RBMS3: variants seen among roughly 807,000 people sequenced by gnomAD.
The protein encoded by RBMS3 is RNA-binding motif, single-stranded-interacting protein 3.
Under a neutral mutation model 66.8 loss-of-function variants are expected in RBMS3, and 27 were observed. The observed-to-expected ratio is 0.40, with a 90% CI of 0.30 to 0.56. The LOEUF is 0.56. Among genes scored for constraint, RBMS3 ranks in the 20% least tolerant of loss-of-function variants. The probability of loss-of-function intolerance (pLI) is 0.40; values close to 1 mark genes in which losing one functional copy is unlikely to be tolerated. For synonymous variants in RBMS3, 188 were observed against 183.0 expected, an observed-to-expected ratio of 1.03 and a Z score of -0.22; for missense variants, 513 against 549.5, an observed-to-expected ratio of 0.93 and a Z score of 0.66.
chr3:29,855,961 A>T (rs1216259218), intron 6 of RBMS3, among the ~76,000 whole-genome samples: 3 of 150,692 alleles, frequency 2.0e-5, no homozygotes, highest in Non-Finnish European at 4.4e-5. Flanking sequence ...TTAAATTGTT[A>T]AAAAAAGGCA....
chr3:30,000,908 G>A (rs1699575739), intron 14 of RBMS3, among the ~76,000 whole-genome samples: 1 of 151,818 alleles, frequency 6.6e-6, no homozygotes, highest in Non-Finnish European at 1.5e-5. Flanking sequence ...ACTAAGGAAG[G>A]GATAATATTA....
rs1243638674 is a variant in RBMS3, at chr3:30,004,802, C to A, written c.*940C>A. 6.6e-6 allele frequency: 1 copy of A among 151,584 alleles called. No homozygotes were observed. The highest frequency in any genetic ancestry group is 1.5e-5 in the Non-Finnish European group (1 of 67,684). 9.4% of individuals were successfully genotyped at this position (151,584 alleles called of 1,614,324 possible). On this transcript the variant is annotated 3_prime_UTR_variant, in exon 15 of 15. Transcript: ENST00000383767. ...GTGATCGCTAGCAAAAGCATTAGTGCTTTTTATCTGCAGTCTTTTTTATGA... is the reference window on the plus strand; with the variant it reads ...GTGATCGCTAGCAAAAGCATTAGTGATTTTTATCTGCAGTCTTTTTTATGA...
At chr3:29,517,800 C>G (rs1364234911) in intron 3 of RBMS3, among the ~76,000 whole-genome samples, 1 of 152,054 alleles carries the variant, frequency 6.6e-6, no homozygotes, top group African/African-American at 2.4e-5. Context: ...CAAGGCAGAT[C>G]AAAAACCTAT....
intron 3 of RBMS3, among the ~76,000 whole-genome samples, chr3:29,546,318 G>A (rs1294247582): frequency 8.5e-5 from 13 of 152,066 alleles, no homozygotes; most frequent in Admixed American, 5.2e-4. Flanking sequence ...TTGCAAAAAC[G>A]TACACAGCTA....
At chr3:29,533,342 T>C (rs1211888359) in intron 3 of RBMS3, among the ~76,000 whole-genome samples, 1 of 151,732 alleles carries the variant, frequency 6.6e-6, no homozygotes, top group Non-Finnish European at 1.5e-5. Flanking sequence ...ATTAGTGAAG[T>C]GTAGTGGCAT....
At chr3:29,555,099 G>A (rs2046307925) in intron 3 of RBMS3, among the ~76,000 whole-genome samples, 1 of 151,910 alleles carries the variant, frequency 6.6e-6, no homozygotes, top group Non-Finnish European at 1.5e-5. Context: ...TTAGACCTTG[G>A]GGCTGTTAAG....
chr3:29,596,778 A>G (rs2047959461), intron 4 of RBMS3, among the ~76,000 whole-genome samples: 1 of 152,228 alleles, frequency 6.6e-6, no homozygotes, highest in Admixed American at 6.6e-5. Context: ...TGCAGAATCT[A>G]TTAGAGTCCC....
intron 1 of RBMS3, among the ~76,000 whole-genome samples, chr3:29,405,630 A>C (rs759019527): frequency 2.0e-5 from 3 of 152,128 alleles, no homozygotes; most frequent in Non-Finnish European, 4.4e-5. Flanking sequence ...ACACACACAC[A>C]CTTACGAACT....
At chr3:29,752,765 TACAATC>T (rs958433069) in intron 5 of RBMS3, among the ~76,000 whole-genome samples, 1 of 152,166 alleles carries the variant, frequency 6.6e-6, no homozygotes, top group African/African-American at 2.4e-5. Context: ...ATCCTAAATT[TACAATC>T]ACAAAAACAT....
chr3:29,923,517 T>G (rs2149661675), intron 10 of RBMS3, among the ~76,000 whole-genome samples: 1 of 152,314 alleles, frequency 6.6e-6, no homozygotes, highest in East Asian at 1.9e-4. Context: ...GTTAAAAATC[T>G]CTGACAGTTG....
rs368706978 is a variant in RBMS3 at position 29,703,704 on chromosome 3, A to C, written c.400-36016A>C. 1.2e-4 allele frequency among the ~76,000 whole-genome samples: 19 copies of C among 152,320 alleles called. No homozygotes were observed. In the East Asian group the frequency reaches 1.9e-3, roughly 16 times the overall value. On this transcript the variant is annotated intron_variant, in intron 4 of 14. Coordinates refer to ENST00000383767, the MANE Select transcript of RBMS3 (RefSeq NM_001003793.3). The stretch of plus-strand genomic sequence containing the variant: ...AATGGATTTAGAAGATTTAGAGCCA[A>C]AATTGATGATTCCCATTCTTATTGT...
At chr3:29,694,288 A>G (rs1467247726) in intron 4 of RBMS3, among the ~76,000 whole-genome samples, 4 of 152,180 alleles carry the variant, frequency 2.6e-5, no homozygotes, top group Non-Finnish European at 5.9e-5. Flanking sequence ...GTCTGGAACT[A>G]TATTTCTCTT....
intron 14 of RBMS3, among the ~76,000 whole-genome samples, chr3:30,003,031 A>G (rs945014363): frequency 5.3e-5 from 8 of 152,038 alleles, no homozygotes; most frequent in African/African-American, 1.9e-4. Context: ...CTGGCATCCA[A>G]TACCCTGAGC....
intron 4 of RBMS3, among the ~76,000 whole-genome samples, chr3:29,589,094 A>G (rs538213355): frequency 2.0e-5 from 3 of 152,248 alleles, no homozygotes; most frequent in South Asian, 4.1e-4. Context: ...GATAAAAACC[A>G]CTGCCATCTT....
Position 29,587,230 on chromosome 3 carries a change from T to TTTTTG in RBMS3, c.399+29_399+30insGTTTT, listed in dbSNP as rs1559490670. On this transcript the variant is annotated intron_variant, in intron 4 of 14. Coordinates refer to ENST00000383767, the MANE Select transcript of RBMS3 (RefSeq NM_001003793.3). ...GGTAAGATTGATGTTTAGGGGTGTT[T>TTTTTG]TTTTTTTTTTTTTTTTTTTGTGTGT... The TTTTTG allele has an allele frequency of 7.4e-6, 4 of 543,940 alleles. No individual in the cohort carries two copies. The Admixed American group carries it at 1.8e-4, about 24-fold the overall frequency. The allele number at this position is 543,940 out of a possible 1,614,324, so 33.7% of individuals were successfully genotyped here.
At chr3:29,942,792 A>G (rs1240736964) in intron 11 of RBMS3, among the ~76,000 whole-genome samples, 2 of 149,514 alleles carry the variant, frequency 1.3e-5, no homozygotes, top group East Asian at 2.0e-4. Context: ...GTCTAGTAGC[A>G]TGGTCCAATA....
intron 1 of RBMS3, among the ~76,000 whole-genome samples, chr3:29,333,250 T>C (rs1346649957): frequency 6.6e-6 from 1 of 152,204 alleles, no homozygotes; most frequent in Non-Finnish European, 1.5e-5. Flanking sequence ...ATTTCTTTCA[T>C]GGCATAATCC....
chr3:29,618,249 C>A (rs776070865), intron 4 of RBMS3, among the ~76,000 whole-genome samples: 8 of 152,096 alleles, frequency 5.3e-5, no homozygotes, highest in African/African-American at 1.9e-4. Context: ...AATCCTAGCA[C>A]TTTGGGAGGC....
At chr3:29,472,895 T>C (rs2042789850) in intron 2 of RBMS3, among the ~76,000 whole-genome samples, 1 of 152,148 alleles carries the variant, frequency 6.6e-6, no homozygotes, top group East Asian at 1.9e-4. Context: ...TCTGCTTTTA[T>C]TCTCTTATCT....
Sources: allele counts gnomAD v4.1 joint callset (sites outside exome capture counted in the v4.1 genomes callset), GRCh38; gene constraint gnomAD v4.1.1; transcripts MANE v1.5; gene names NCBI Gene and HGNC (gene_info 2026-07-23, HGNC 2026-07-21).